The following LIF variants were observed in gnomAD, a reference collection of about 807,000 sequenced individuals.
LIF encodes LIF interleukin 6 family cytokine, also known as leukemia inhibitory factor.
In LIF, 9 loss-of-function variants were observed where a neutral mutation model predicts 15.0. That is an observed-to-expected ratio of 0.60 (90% CI 0.36 to 1.04). The LOEUF (loss-of-function observed/expected upper bound fraction) is 1.04, where lower values mean the gene tolerates loss of function less well. LIF is among the 50% of genes least tolerant of loss of function. LIF has a pLI of 0.01. For synonymous variants in LIF, 122 were observed against 119.7 expected (o/e 1.02, Z -0.13); for missense variants, 240 against 266.7 (o/e 0.90, Z 0.70).
Position 30,244,547 on chromosome 22 carries a change from C to T in LIF, c.198+208G>A, listed in dbSNP as rs116983924. Among the ~76,000 whole-genome samples the T allele has an allele frequency of 1.1e-3, 163 of 152,248 alleles. 2 individuals are homozygous for T. The East Asian group carries it at 0.029, about 27-fold the overall frequency. On this transcript the variant is annotated intron_variant, in intron 2 of 2. Transcript: ENST00000249075. ...GTCCCCACCTTTGCACTCAGTTCTC[C>T]CCTTGCTAACTGGGCACCCTGGGGA...
In LIF at chr22:30,243,132, AG is replaced by A. The variant is rs1369810065; in HGVS notation, c.*518del. ...TCAAAAGAAGACAGCCTTCCATCCC[AG>A]AGGCCCCTCTCTATCTTCCACTCAT... On this transcript the variant is annotated 3_prime_UTR_variant, in exon 3 of 3. Coordinates refer to ENST00000249075, the MANE Select transcript of LIF (RefSeq NM_002309.5). This position sits in a 1 kb window ranked among gnomAD's most constrained non-coding sequence, Gnocchi z 6.0. The A allele has an allele frequency of 5.9e-6, 1 of 170,006 alleles. No individual in the cohort carries two copies. Among genetic ancestry groups the A allele is most frequent in the Admixed American group, 5.4e-5 (1 of 18,396 alleles). The allele number at this position is 170,006 out of a possible 1,614,324, so 10.5% of individuals were successfully genotyped here.
rs1366922052 is a variant in LIF at position 30,244,821 on chromosome 22, G to A, written c.132C>T (p.Leu44=). 6.2e-7 allele frequency: 1 copy of A among 1,614,098 alleles called. No homozygotes were observed. Among genetic ancestry groups the A allele is most frequent in the Admixed American group, 1.7e-5 (1 of 60,018 alleles). ...CCAGTTGGCTCCTGATCTGGTTCAT[G>A]AGGTTGTTGTGACATGGGTGGCGTA... ...CAIRHPCHNN[L]MNQIRSQLAQ... The change falls in exon 2 of 3, where the codon CTC becomes CTT. Residue 44 remains leucine (L), a synonymous_variant. Coordinates refer to ENST00000249075, the MANE Select transcript of LIF (RefSeq NM_002309.5).
At chr22:30,245,375 C>T (rs549114734) in intron 1 of LIF, among the ~76,000 whole-genome samples, 7 of 152,286 alleles carry the variant, frequency 4.6e-5, no homozygotes, top group Admixed American at 1.3e-4. Context: ...TCCTCAGCAG[C>T]GCTTCCCACT....
intron 1 of LIF, 97 bp from the exon 2 acceptor site, chr22:30,245,030 G>C (rs1344791853): frequency 5.9e-6 from 7 of 1,189,482 alleles, no homozygotes; most frequent in African/African-American, 1.5e-5. Context: ...GGCCGCATGG[G>C]AGAGGACTCC....
rs1032296073 is a variant in LIF, at chr22:30,244,824, G to T, written c.129C>A (p.Asn43Lys). The T allele has an allele frequency of 1.9e-6, 3 of 1,614,206 alleles. No individual in the cohort carries two copies. Among genetic ancestry groups the T allele is most frequent in the Non-Finnish European group, 2.5e-6 (3 of 1,180,018 alleles). ...TCAIRHPCHN[N>K]LMNQIRSQLA... is the part of the protein sequence containing the mutation. ...GTTGGCTCCTGATCTGGTTCATGAG[G>T]TTGTTGTGACATGGGTGGCGTATGG... The change falls in exon 2 of 3, where the codon AAC (asparagine) becomes AAA (lysine). Residue 43 changes from asparagine (N) to lysine (K), a missense_variant. Asn to Lys is a moderately conservative substitution (Grantham distance 94). Coordinates refer to ENST00000249075, the MANE Select transcript of LIF (RefSeq NM_002309.5).
Position 30,241,649 on chromosome 22 carries a change from G to A in LIF, c.*2002C>T, listed in dbSNP as rs183517150. On this transcript the variant is annotated 3_prime_UTR_variant, in exon 3 of 3. Transcript: ENST00000249075. The surrounding 1 kb of genome is among the most constrained non-coding windows in gnomAD (Gnocchi z 4.4). ...CCATAATTAGTACCATCATCTTGTC[G>A]GAGGAACTTGGAGGCCGGCAGCCCG... The A allele has an allele frequency of 1.8e-3, 275 of 152,914 alleles. No individual in the cohort carries two copies. The highest frequency in any genetic ancestry group is 2.1e-3 in the Non-Finnish European group (140 of 68,116). The allele number at this position is 152,914 out of a possible 1,614,324, so 9.5% of individuals were successfully genotyped here.
rs1928708432 is a variant in LIF, at chr22:30,242,376, C to G, written c.*1275G>C. On this transcript the variant is annotated 3_prime_UTR_variant, in exon 3 of 3. Coordinates refer to ENST00000249075, the MANE Select transcript of LIF (RefSeq NM_002309.5). ...CCACTCCCACTCAGGCCTCCCCATTCTCTCAGATCCGACCCTTCTCTGAGC... is the reference window on the plus strand; with the variant it reads ...CCACTCCCACTCAGGCCTCCCCATTGTCTCAGATCCGACCCTTCTCTGAGC... 1 of 152,746 alleles carries G rather than the reference C, an allele frequency of 6.5e-6. No homozygotes were observed. The highest frequency in any genetic ancestry group is 2.4e-5 in the African/African-American group (1 of 41,398). The allele number at this position is 152,746 out of a possible 1,614,324, so 9.5% of individuals were successfully genotyped here.
rs1487093302 is a variant in LIF at position 30,243,691 on chromosome 22, T to C, written c.569A>G (p.Lys190Arg). 1.2e-6 allele frequency: 2 copies of C among 1,614,234 alleles called. No individual in the cohort carries two copies. Among genetic ancestry groups the C allele is most frequent in the East Asian group, 2.2e-5 (1 of 44,876 alleles). ...CAACACGGCGATGATCTGCTTATAC[T>C]TCCCCAGGAGTTGACAGCCCAGCTT... ...KKKLGCQLLGKYKQIIAVLAQ... is the reference protein window; with the variant it reads ...KKKLGCQLLGRYKQIIAVLAQ... Residue 190 changes from lysine (K) to arginine (R), a missense_variant, in exon 3 of 3, where the codon AAG becomes AGG. Lys to Arg is a conservative substitution (Grantham distance 26, BLOSUM62 2). Coordinates refer to ENST00000249075, the MANE Select transcript of LIF (RefSeq NM_002309.5). The surrounding 1 kb of genome is among the most constrained non-coding windows in gnomAD (Gnocchi z 6.0).
rs1230837410 is a variant in LIF at position 30,241,599 on chromosome 22, A to C, written c.*2052T>G. The C allele has an allele frequency of 6.5e-6, 1 of 152,878 alleles. No homozygotes were observed. The highest frequency in any genetic ancestry group is 2.4e-5 in the African/African-American group (1 of 41,446). The allele number at this position is 152,878 out of a possible 1,614,324, so 9.5% of individuals were successfully genotyped here. A position where few individuals can be genotyped will look rare whatever the true frequency, so the allele number is the denominator to read the frequency against. On this transcript the variant is annotated 3_prime_UTR_variant, in exon 3 of 3. Coordinates refer to ENST00000249075, the MANE Select transcript of LIF (RefSeq NM_002309.5). This position sits in a 1 kb window ranked among gnomAD's most constrained non-coding sequence, Gnocchi z 4.4. ...GTAAAGTGCTTAGAGAGCGACAGGG[A>C]AAGGTGCAAAGTGAGTGAAAAGTAC...
intron 1 of LIF, chr22:30,246,439 G>A: frequency 8.3e-7 from 1 of 1,204,524 alleles, no homozygotes; most frequent in Non-Finnish European, 1.0e-6. Flanking sequence ...AGAGGAGGAG[G>A]AGGAAGGCTC....
rs1277504823 is a variant in LIF, at chr22:30,243,820, A to G, written c.440T>C (p.Leu147Pro). The G allele has an allele frequency of 6.2e-7, 1 of 1,614,232 alleles. No individual in the cohort carries two copies. The highest frequency in any genetic ancestry group is 8.5e-7 in the Non-Finnish European group (1 of 1,180,026). Reference protein sequence around the residue: ...LNATADILRGLLSNVLCRLCS... With the variant: ...LNATADILRGPLSNVLCRLCS... ...CAGGCGGCACAGCACGTTGCTAAGG[A>G]GGCCTCGCAGGATGTCGGCGGTGGC... The change falls in exon 3 of 3, where the codon CTC becomes CCC. Residue 147 changes from leucine (L) to proline (P), a missense_variant. Physicochemically the swap from Leu to Pro is moderately conservative, Grantham distance 98 (BLOSUM62 -3). Transcript: ENST00000249075. The surrounding 1 kb of genome is among the most constrained non-coding windows in gnomAD (Gnocchi z 6.0).
At position 30,241,226 on chromosome 22, in the gene LIF, C is replaced by G. The variant is rs1928656100; in HGVS notation, c.*2425G>C. The stretch of plus-strand genomic sequence containing the variant: ...GCTGGGTGGGAGAGCGACTCAGAGC[C>G]AGGGCCGCAAGGTGGGCCTGGCACA... On this transcript the variant is annotated 3_prime_UTR_variant, in exon 3 of 3. Transcript: ENST00000249075. The surrounding 1 kb of genome is among the most constrained non-coding windows in gnomAD (Gnocchi z 4.4). 6.6e-6 allele frequency: 1 copy of G among 152,238 alleles called. No homozygotes were observed. Among genetic ancestry groups the G allele is most frequent in the African/African-American group, 2.4e-5 (1 of 41,434 alleles). The allele number at this position is 152,238 out of a possible 1,614,324, so 9.4% of individuals were successfully genotyped here. A position where few individuals can be genotyped will look rare whatever the true frequency, so the allele number is the denominator to read the frequency against.
chr22:30,245,044 T>A lies in LIF; in HGVS notation c.20-111A>T, dbSNP rs111330617. On this transcript the variant is annotated intron_variant, in intron 1 of 2. Coordinates refer to ENST00000249075, the MANE Select transcript of LIF (RefSeq NM_002309.5). ...TGGCCGCATGGGAGAGGACTCCTGG[T>A]TCCCCCTCACCACCTGCAGCTGTCT... 1,250 of 997,462 alleles carry A rather than the reference T, an allele frequency of 1.3e-3. 10 individuals are homozygous for A. The African/African-American group carries it at 0.018, about 14-fold the overall frequency. The allele number at this position is 997,462 out of a possible 1,614,324, so 61.8% of individuals were successfully genotyped here.
chr22:30,244,785 A>C lies in LIF; in HGVS notation c.168T>G (p.Asn56Lys). Residue 56 changes from asparagine (N) to lysine (K), a missense_variant, in exon 2 of 3, where the codon AAT (asparagine) becomes AAG (lysine). Asn to Lys is a moderately conservative substitution (Grantham distance 94). Coordinates refer to ENST00000249075, the MANE Select transcript of LIF (RefSeq NM_002309.5). ...NQIRSQLAQL[N>K]GSANALFILY... Reference sequence around the variant, plus strand: ...GAATAAAGAGGGCATTGGCACTGCCATTGAGCTGTGCCAGTTGGCTCCTGA... The same window carrying C: ...GAATAAAGAGGGCATTGGCACTGCCCTTGAGCTGTGCCAGTTGGCTCCTGA... 1 of 1,614,196 alleles carries C rather than the reference A, an allele frequency of 6.2e-7. No homozygotes were observed. The highest frequency in any genetic ancestry group is 8.5e-7 in the Non-Finnish European group (1 of 1,180,004).
Position 30,243,713 on chromosome 22 carries a change from G to T in LIF, c.547C>A (p.Leu183Met). 6.2e-7 allele frequency: 1 copy of T among 1,614,254 alleles called. No homozygotes were observed. The highest frequency in any genetic ancestry group is 1.3e-5 in the African/African-American group (1 of 75,062). ...SGKDVFQKKK[L>M]GCQLLGKYKQ... ...TACTTCCCCAGGAGTTGACAGCCCA[G>T]CTTCTTCTTCTGGAAGACATCCTTA... The change falls in exon 3 of 3, where the codon CTG becomes ATG. Residue 183 changes from leucine (L) to methionine (M), a missense_variant. Transcript: ENST00000249075. This position sits in a 1 kb window ranked among gnomAD's most constrained non-coding sequence, Gnocchi z 6.0.
Position 30,242,429 on chromosome 22 carries a change from A to G in LIF, c.*1222T>C, listed in dbSNP as rs1928710200. ...CACCCGTAAGGCTTATTCCACTTGT[A>G]ACATTGTCGACTTCCAGACCAGGCC... On this transcript the variant is annotated 3_prime_UTR_variant, in exon 3 of 3. Transcript: ENST00000249075. The G allele has an allele frequency of 6.5e-6, 1 of 152,676 alleles. No individual in the cohort carries two copies. Among genetic ancestry groups the G allele is most frequent in the Non-Finnish European group, 1.5e-5 (1 of 68,028 alleles). 9.5% of individuals were successfully genotyped at this position (152,676 alleles called of 1,614,324 possible).
chr22:30,246,482 G>C, intron 1 of LIF, 195 bp downstream of exon 1: 2 of 1,228,262 alleles, frequency 1.6e-6, no homozygotes, highest in Non-Finnish European at 2.0e-6. Flanking sequence ...ACCTGCCGCG[G>C]GGCGTGCGGT....
Position 30,243,146 on chromosome 22 carries a change from A to C in LIF, c.*505T>G. On this transcript the variant is annotated 3_prime_UTR_variant, in exon 3 of 3. Transcript: ENST00000249075. This position sits in a 1 kb window ranked among gnomAD's most constrained non-coding sequence, Gnocchi z 6.0. ...CCTTCCATCCCAGAGGCCCCTCTCT[A>C]TCTTCCACTCATCAAACTTCTAGGG... The C allele has an allele frequency of 5.4e-6, 1 of 185,530 alleles. No individual in the cohort carries two copies. The allele number at this position is 185,530 out of a possible 1,614,324, so 11.5% of individuals were successfully genotyped here. A position where few individuals can be genotyped will look rare whatever the true frequency, so the allele number is the denominator to read the frequency against.
At position 30,243,305 on chromosome 22, in the gene LIF, T is replaced by C. The variant is rs1428650781; in HGVS notation, c.*346A>G. 2.5e-6 allele frequency: 1 copy of C among 395,710 alleles called. No individual in the cohort carries two copies. Among genetic ancestry groups the C allele is most frequent in the Non-Finnish European group, 4.8e-6 (1 of 208,820 alleles). The allele number at this position is 395,710 out of a possible 1,614,324, so 24.5% of individuals were successfully genotyped here. A position where few individuals can be genotyped will look rare whatever the true frequency, so the allele number is the denominator to read the frequency against. ...TGGGCCCTGCTGTCTCACCCTGTGGTCAGGGCTCTTGTAGATGACTTGTGT... is the reference window on the plus strand; with the variant it reads ...TGGGCCCTGCTGTCTCACCCTGTGGCCAGGGCTCTTGTAGATGACTTGTGT... On this transcript the variant is annotated 3_prime_UTR_variant, in exon 3 of 3. Transcript: ENST00000249075. The surrounding 1 kb of genome is among the most constrained non-coding windows in gnomAD (Gnocchi z 6.0).
Sources: gnomAD v4.1 joint callset for allele counts (sites outside exome capture counted in the v4.1 genomes callset) on GRCh38, gnomAD v4.1.1 for gene constraint, Gnocchi (gnomAD v3.1) non-coding constraint, MANE v1.5 for transcripts, NCBI Gene and HGNC (gene_info 2026-07-23, HGNC 2026-07-21) for gene names.